Variants in GLUL observed in about 807,000 individuals in gnomAD.
GLUL encodes the protein glutamate-ammonia ligase, also known as glutamine synthetase.
Under a neutral mutation model 36.9 loss-of-function variants are expected in GLUL, and 8 were observed. That is an observed-to-expected ratio of 0.22 (90% CI 0.13 to 0.39). The LOEUF is 0.39. GLUL is among the 10% of genes least tolerant of loss of function. The pLI, the probability that GLUL is intolerant of heterozygous loss-of-function variation, is 1.00. For missense variants in GLUL, 315 were observed against 501.8 expected, an observed-to-expected ratio of 0.63 and a Z score of 3.56; for synonymous variants, 182 against 172.8, an observed-to-expected ratio of 1.05 and a Z score of -0.42.
Position 182,384,679 on chromosome 1 carries a change from T to A in GLUL, c.848A>T (p.Tyr283Phe). Residue 283 changes from tyrosine to phenylalanine, a missense_variant, in exon 7 of 7, where the codon TAC becomes TTC. By Grantham distance (22) the Tyr-to-Phe change is conservative. Transcript: ENST00000331872. ...CTTGGGATCATAGGCACGGATGTGG[T>A]ACTGGTGCCGCTTGCTTAGTTTCTC... is the stretch of plus-strand genomic sequence containing the variant. ...AIEKLSKRHQ[Y>F]HIRAYDPKGG... 1 of 1,614,102 alleles carries A rather than the reference T, an allele frequency of 6.2e-7. No individual in the cohort carries two copies. Among genetic ancestry groups the A allele is most frequent in the Non-Finnish European group, 8.5e-7 (1 of 1,179,946 alleles).
intron 3 of GLUL, chr1:182,386,620 TAACTA>T (rs1207262560): frequency 6.7e-6 from 4 of 600,168 alleles, no homozygotes; most frequent in Non-Finnish European, 1.2e-5. Context: ...ACTTCAGTTT[TAACTA>T]AACTCAGTTA....
In GLUL at chr1:182,384,052, TG is replaced by T. The variant is rs1306520491; in HGVS notation, c.*352del. 1.6e-5 allele frequency: 5 copies of T among 319,088 alleles called. No homozygotes were observed. The highest frequency in any genetic ancestry group is 1.1e-4 in the African/African-American group (5 of 46,810). 19.8% of individuals were successfully genotyped at this position (319,088 alleles called of 1,614,324 possible). ...GTCAGGTCTTCCCCTTTCAGCTACCTGGAAGAAGAGACCCCCTTCTGCAAAC... is the reference window on the plus strand; with the variant it reads ...GTCAGGTCTTCCCCTTTCAGCTACCTGAAGAAGAGACCCCCTTCTGCAAAC... On this transcript the variant is annotated 3_prime_UTR_variant, in exon 7 of 7. Transcript: ENST00000331872.
intron 2 of GLUL, among the ~76,000 whole-genome samples, chr1:182,388,326 A>T (rs1650264727): frequency 6.6e-6 from 1 of 152,208 alleles, no homozygotes; most frequent in Non-Finnish European, 1.5e-5. Flanking sequence ...CATAAACCAG[A>T]CTTAGTTTTT....
Position 182,378,229 on chromosome 1 carries a change from T to C in GLUL, c.*6176A>G, listed in dbSNP as rs950404215. 6.6e-6 allele frequency among the ~76,000 whole-genome samples: 1 copy of C among 152,192 alleles called. No individual in the cohort carries two copies. The highest frequency in any genetic ancestry group is 2.1e-4 in the South Asian group (1 of 4,830). ...ACGCCGTACAGTGGAGGAAACACGC[T>C]GCAATCTCAAGACAATGCAGGTAAC... On this transcript the variant is annotated 3_prime_UTR_variant, in exon 7 of 7. Coordinates refer to ENST00000331872, the MANE Select transcript of GLUL (RefSeq NM_001033044.4).
At position 182,382,759 on chromosome 1, in the gene GLUL, G is replaced by A. The variant is rs1334917697; in HGVS notation, c.*1646C>T. ...CCCAACTTAGAGAGGTACAGGAAAC[G>A]GCTGGTCAGCAACATCACTCCAGTG... On this transcript the variant is annotated 3_prime_UTR_variant, in exon 7 of 7. Coordinates refer to ENST00000331872, the MANE Select transcript of GLUL (RefSeq NM_001033044.4). 4.6e-5 allele frequency: 7 copies of A among 152,070 alleles called. No individual in the cohort carries two copies. The East Asian group carries it at 5.8e-4, about 13-fold the overall frequency. The allele number at this position is 152,070 out of a possible 1,614,324, so 9.4% of individuals were successfully genotyped here.
At chr1:182,390,309 C>T (rs1229264129) in intron 1 of GLUL, 6 of 394,280 alleles carry the variant, frequency 1.5e-5, no homozygotes, top group Non-Finnish European at 2.2e-5. Flanking sequence ...ACACTTTGTC[C>T]TAAGCCTCAG....
intron 1 of GLUL, chr1:182,389,404 T>C (rs1167255103): frequency 4.1e-5 from 4 of 96,978 alleles, no homozygotes; most frequent in Non-Finnish European, 7.9e-5. Context: ...GGTTACAATA[T>C]ATTTTTTTAG....
At chr1:182,390,334 C>G (rs1356947148) in intron 1 of GLUL, 1 of 396,816 alleles carries the variant, frequency 2.5e-6, no homozygotes, top group African/African-American at 2.1e-5. Context: ...GGATCTCTTG[C>G]TCTTTTCCGT....
Position 182,386,239 on chromosome 1 carries a change from A to C in GLUL, c.475+17T>G. The C allele has an allele frequency of 6.2e-7, 1 of 1,610,330 alleles. No individual in the cohort carries two copies. The highest frequency in any genetic ancestry group is 8.5e-7 in the Non-Finnish European group (1 of 1,177,652). ...AGACACTTCTGGGAATTTCACCTCT[A>C]ACCCAAGGAGACTTACCCTGGGGCC... On this transcript the variant is annotated intron_variant, in intron 4 of 6. Transcript: ENST00000331872.
chr1:182,378,881 G>A lies in GLUL; in HGVS notation c.*5524C>T, dbSNP rs137898275. On this transcript the variant is annotated 3_prime_UTR_variant, in exon 7 of 7. Transcript: ENST00000331872. Reference sequence around the variant, plus strand: ...CAACCTCCGGCTCTTGGGCTCAAGCGATTCTCCTGCCTCAGCCTGCCACTC... The same window carrying A: ...CAACCTCCGGCTCTTGGGCTCAAGCAATTCTCCTGCCTCAGCCTGCCACTC... 2.3e-3 allele frequency among the ~76,000 whole-genome samples: 344 copies of A among 152,174 alleles called. 9 individuals are homozygous for A. Among genetic ancestry groups the A allele is most frequent in the Admixed American group, 0.019 (294 of 15,282 alleles).
Position 182,387,292 on chromosome 1 carries a change from T to C in GLUL, c.167A>G (p.Glu56Gly). 1 of 1,611,584 alleles carries C rather than the reference T, an allele frequency of 6.2e-7. No individual in the cohort carries two copies. The highest frequency in any genetic ancestry group is 8.5e-7 in the Non-Finnish European group (1 of 1,177,750). The change falls in exon 3 of 7, where the codon GAG becomes GGG. Residue 56 changes from glutamate (E) to glycine (G), a missense_variant and splice_region_variant. Physicochemically the swap from Glu to Gly is moderately conservative, Grantham distance 98. This residue lies in a region of GLUL where 256 missense variants were observed against 396.1 expected (regional missense o/e 0.65). Coordinates refer to ENST00000331872, the MANE Select transcript of GLUL (RefSeq NM_001033044.4). ...TLDSEPKCVE[E>G]LPEWNFDGSS... ...GCCATCGAAATTCCACTCAGGCAAC[T>C]CTGGGGCAAAAAGAGGGAAAATTAC...
At chr1:182,384,758 G>A in intron 6 of GLUL, 35 bp from the exon 7 acceptor site, 1 of 1,526,266 alleles carries the variant, frequency 6.6e-7, no homozygotes, top group Non-Finnish European at 9.1e-7. Flanking sequence ...GTCCAACCTT[G>A]TCTCCAGGTA....
rs1292704979 is a variant in GLUL, at chr1:182,378,769, A to T, written c.*5636T>A. ...GTATGGACATATATCTGCATATTGT[A>T]AAATGAAATAGAATTTTTTTTTTCT... is the stretch of plus-strand genomic sequence containing the variant. On this transcript the variant is annotated 3_prime_UTR_variant, in exon 7 of 7. Transcript: ENST00000331872. Among the ~76,000 whole-genome samples, 1 of 152,196 alleles carries T rather than the reference A, an allele frequency of 6.6e-6. No homozygotes were observed. The highest frequency in any genetic ancestry group is 1.5e-5 in the Non-Finnish European group (1 of 68,036).
At chr1:182,391,433 C>G (rs1650413262) in intron 1 of GLUL, 5 of 387,978 alleles carry the variant, frequency 1.3e-5, no homozygotes, top group Non-Finnish European at 2.3e-5. Context: ...ACTCACCCCG[C>G]CCTTCCCAGA....
chr1:182,390,892 A>G (rs1048813023), intron 1 of GLUL: 18 of 398,716 alleles, frequency 4.5e-5, no homozygotes, highest in Middle Eastern at 6.2e-4. Flanking sequence ...CCACTTTGAG[A>G]GCAGCCCCTT....
At position 182,383,779 on chromosome 1, in the gene GLUL, G is replaced by A. The variant is rs150829570; in HGVS notation, c.*626C>T. The A allele has an allele frequency of 6.5e-6, 1 of 154,064 alleles. No individual in the cohort carries two copies. The highest frequency in any genetic ancestry group is 1.4e-5 in the Non-Finnish European group (1 of 69,310). 9.5% of individuals were successfully genotyped at this position (154,064 alleles called of 1,614,324 possible). On this transcript the variant is annotated 3_prime_UTR_variant, in exon 7 of 7. Transcript: ENST00000331872. ...ATTCTGCTTTGTGTGATAAATCAAG[G>A]ACCAAGCAGTAAGAACCTTTTCTTC...
rs1028656621 is a variant in GLUL, at chr1:182,379,180, C to T, written c.*5225G>A. Among the ~76,000 whole-genome samples the T allele has an allele frequency of 1.1e-4, 16 of 152,038 alleles. No homozygotes were observed. The highest frequency in any genetic ancestry group is 2.0e-4 in the Admixed American group (3 of 15,260). On this transcript the variant is annotated 3_prime_UTR_variant, in exon 7 of 7. Coordinates refer to ENST00000331872, the MANE Select transcript of GLUL (RefSeq NM_001033044.4). Reference sequence around the variant, plus strand: ...TCAGATTGTTTTCAGTAGAAATGTACGCAAAGTCTTTGGAGTTAAATGATG... The same window carrying T: ...TCAGATTGTTTTCAGTAGAAATGTATGCAAAGTCTTTGGAGTTAAATGATG...
Position 182,384,019 on chromosome 1 carries a change from C to A in GLUL, c.*386G>T. 1 of 269,892 alleles carries A rather than the reference C, an allele frequency of 3.7e-6. No individual in the cohort carries two copies. The highest frequency in any genetic ancestry group is 2.2e-5 in the African/African-American group (1 of 45,670). 16.7% of individuals were successfully genotyped at this position (269,892 alleles called of 1,614,324 possible). ...CCACGAGGGCAAGTCCTAACCTAAC[C>A]AGAGTACGTCAGGTCTTCCCCTTTC... is the stretch of plus-strand genomic sequence containing the variant. On this transcript the variant is annotated 3_prime_UTR_variant, in exon 7 of 7. Coordinates refer to ENST00000331872, the MANE Select transcript of GLUL (RefSeq NM_001033044.4).
intron 2 of GLUL, among the ~76,000 whole-genome samples, chr1:182,387,590 T>C (rs1650238668): frequency 6.6e-6 from 1 of 152,206 alleles, no homozygotes; most frequent in South Asian, 2.1e-4. Flanking sequence ...ATCACTACCA[T>C]CCTATCAATC....
Sources: allele counts gnomAD v4.1 joint callset (sites outside exome capture counted in the v4.1 genomes callset), GRCh38; gene constraint gnomAD v4.1.1; regional missense constraint gnomAD v4.1.1; transcripts MANE v1.5; gene names NCBI Gene and HGNC (gene_info 2026-07-23, HGNC 2026-07-21).